Variants in GNAQ observed in about 807,000 individuals in gnomAD.
GNAQ encodes the protein G protein subunit alpha q, also known as guanine nucleotide-binding protein G(q) subunit alpha.
GNAQ carries 8 observed loss-of-function variants against 43.9 expected under a neutral mutation model. That is an observed-to-expected ratio of 0.18 (90% confidence interval 0.11 to 0.33). The LOEUF is 0.33. Among genes scored for constraint, GNAQ ranks in the 10% least tolerant of loss-of-function variants. The pLI, the probability that GNAQ is intolerant of heterozygous loss-of-function variation, is 1.00. For synonymous variants in GNAQ, 155 were observed against 170.7 expected (o/e 0.91, Z 0.71); for missense variants, 158 against 450.8 (o/e 0.35, Z 5.88).
At chr9:77,758,535 T>A (rs1201623732) in intron 5 of GNAQ, among the ~76,000 whole-genome samples, 1 of 152,190 alleles carries the variant, frequency 6.6e-6, no homozygotes, top group Non-Finnish European at 1.5e-5. Flanking sequence ...AGCAGAAAAT[T>A]TCAACATCAA....
At chr9:77,729,396 C>A (rs572825986) in intron 5 of GNAQ, among the ~76,000 whole-genome samples, 1 of 152,262 alleles carries the variant, frequency 6.6e-6, no homozygotes, top group East Asian at 1.9e-4. Context: ...ACTTTCAAGC[C>A]TACCTTGGTA....
In GNAQ at chr9:77,780,598, TAAC is replaced by T. The variant is rs558616013; in HGVS notation, c.735+13862_735+13864del. On this transcript the variant is annotated intron_variant, in intron 5 of 6. Transcript: ENST00000286548. ...GGGGGTGCAGATCTCTCTGATATAA[TAAC>T]TTCTCTTTGCTTTGGATAAAGGCCC... 1.2e-3 allele frequency among the ~76,000 whole-genome samples: 182 copies of T among 152,060 alleles called. 1 individual carries two copies. The highest frequency in any genetic ancestry group is 3.4e-3 in the Middle Eastern group (1 of 294).
chr9:77,994,826 G>A (rs1376813956), intron 1 of GNAQ, among the ~76,000 whole-genome samples: 2 of 152,066 alleles, frequency 1.3e-5, no homozygotes, highest in African/African-American at 4.8e-5. Context: ...GTCTTTATTA[G>A]CAGCTTTTTT....
At chr9:77,861,125 G>T (rs1047038321) in intron 2 of GNAQ, among the ~76,000 whole-genome samples, 3 of 152,202 alleles carry the variant, frequency 2.0e-5, no homozygotes, top group African/African-American at 7.2e-5. Context: ...GCAAGGAGGA[G>T]CAAGTCATGT....
chr9:77,840,810 T>C (rs1415315946), intron 2 of GNAQ, among the ~76,000 whole-genome samples: 1 of 152,174 alleles, frequency 6.6e-6, no homozygotes, highest in Non-Finnish European at 1.5e-5. Context: ...AGATGATGAT[T>C]TGGGCATAGA....
At chr9:77,843,592 T>TA (rs2117892529) in intron 2 of GNAQ, among the ~76,000 whole-genome samples, 1 of 152,268 alleles carries the variant, frequency 6.6e-6, no homozygotes, top group South Asian at 2.1e-4. Context: ...ACCCCTTGGA[T>TA]AGAGTAGTTT....
intron 1 of GNAQ, among the ~76,000 whole-genome samples, chr9:77,941,516 T>A (rs1829314802): frequency 6.6e-6 from 1 of 152,192 alleles, no homozygotes; most frequent in Non-Finnish European, 1.5e-5. Context: ...CCCAAAGTGC[T>A]GGGATTACAG....
chr9:77,953,064 G>A (rs1823001284), intron 1 of GNAQ, among the ~76,000 whole-genome samples: 1 of 152,152 alleles, frequency 6.6e-6, no homozygotes, highest in South Asian at 2.1e-4. Flanking sequence ...TCAGTTCCAA[G>A]TACAGCAGCT....
chr9:77,754,199 C>G (rs933378938), intron 5 of GNAQ, among the ~76,000 whole-genome samples: 1 of 152,096 alleles, frequency 6.6e-6, no homozygotes, highest in Non-Finnish European at 1.5e-5. Context: ...AGGTTTGGTG[C>G]CTTTTGTTTC....
chr9:77,880,192 C>A (rs1395570307), intron 2 of GNAQ, among the ~76,000 whole-genome samples: 1 of 152,146 alleles, frequency 6.6e-6, no homozygotes, highest in Non-Finnish European at 1.5e-5. Context: ...GTTCACTGAA[C>A]TCCCTGGGCC....
chr9:77,970,828 C>CAA (rs199692899), intron 1 of GNAQ, among the ~76,000 whole-genome samples: 7 of 151,464 alleles, frequency 4.6e-5, no homozygotes, highest in African/African-American at 1.2e-4. Flanking sequence ...AAAAACCTTT[C>CAA]AAAAAAAATC....
At chr9:77,855,211 T>C (rs978489180) in intron 2 of GNAQ, among the ~76,000 whole-genome samples, 1 of 151,966 alleles carries the variant, frequency 6.6e-6, no homozygotes, top group Non-Finnish European at 1.5e-5. Flanking sequence ...AGAGGAGACA[T>C]GAAAATTGGT....
chr9:77,950,823 A>C (rs1320749458), intron 1 of GNAQ, among the ~76,000 whole-genome samples: 1 of 152,186 alleles, frequency 6.6e-6, no homozygotes, highest in South Asian at 2.1e-4. Context: ...AGAAACACAT[A>C]AATCAATCAA....
chr9:77,944,373 A>T (rs1829357820), intron 1 of GNAQ, among the ~76,000 whole-genome samples: 2 of 151,556 alleles, frequency 1.3e-5, no homozygotes, highest in Admixed American at 1.3e-4. Flanking sequence ...AGCTGTGTAT[A>T]CAAGATGCAG....
chr9:77,729,086 T>C, intron 5 of GNAQ, among the ~76,000 whole-genome samples: 1 of 95,398 alleles, frequency 1.0e-5, no homozygotes, highest in Non-Finnish European at 3.0e-5. Context: ...ATTTGGGGCC[T>C]CACAATTAAC....
intron 1 of GNAQ, among the ~76,000 whole-genome samples, chr9:77,984,048 G>GAAAAAAAAAAAAAAAAAAAAAAAAAAA (rs1564170418): frequency 4.0e-5 from 1 of 24,712 alleles, no homozygotes; most frequent in African/African-American, 2.1e-4. Flanking sequence ...ATTTTGGAGA[G>GAAAAAAAAAAAAAAAAAAAAAAAAAAA]CAAAAAAAAA....
At chr9:77,813,117 T>C (rs1050469555) in intron 3 of GNAQ, among the ~76,000 whole-genome samples, 15 of 151,964 alleles carry the variant, frequency 9.9e-5, no homozygotes, top group African/African-American at 3.4e-4. Flanking sequence ...GTTTCACCTG[T>C]CTATTGGTCA....
intron 5 of GNAQ, among the ~76,000 whole-genome samples, chr9:77,752,637 T>G (rs991635484): frequency 6.6e-6 from 1 of 152,238 alleles, no homozygotes; most frequent in African/African-American, 2.4e-5. Context: ...AAGGCTCTTT[T>G]GTCTCCTTGT....
chr9:77,730,471 CT>C (rs1227309712), intron 5 of GNAQ, among the ~76,000 whole-genome samples: 1 of 152,094 alleles, frequency 6.6e-6, no homozygotes, highest in Non-Finnish European at 1.5e-5. Context: ...AATATGTCTT[CT>C]TTTTTTCTTC....
Sources: gnomAD v4.1 joint callset for allele counts (sites outside exome capture counted in the v4.1 genomes callset) on GRCh38, gnomAD v4.1.1 for gene constraint, MANE v1.5 for transcripts, NCBI Gene and HGNC (gene_info 2026-07-23, HGNC 2026-07-21) for gene names.